FOXP1: variants seen among roughly 807,000 people sequenced by gnomAD.
FOXP1 encodes the protein forkhead box protein P1.
In FOXP1, 15 loss-of-function variants were observed where a neutral mutation model predicts 98.2. That is an observed-to-expected ratio of 0.15 (90% confidence interval 0.10 to 0.24). The LOEUF is 0.24. FOXP1 is among the 10% of genes least tolerant of loss of function. The probability of loss-of-function intolerance (pLI) is 1.00; values close to 1 mark genes in which losing one functional copy is unlikely to be tolerated. For missense variants in FOXP1, 633 were observed against 848.5 expected, an observed-to-expected ratio of 0.75 and a Z score of 3.15; for synonymous variants, 371 against 314.5, an observed-to-expected ratio of 1.18 and a Z score of -1.90.
At chr3:71,221,804 T>G (rs942181728) in intron 5 of FOXP1, among the ~76,000 whole-genome samples, 17 of 152,216 alleles carry the variant, frequency 1.1e-4, no homozygotes, top group African/African-American at 4.1e-4. Context: ...AACTCTGCGT[T>G]GCAGACTCAA....
intron 4 of FOXP1, among the ~76,000 whole-genome samples, chr3:71,320,540 A>G (rs2075328456): frequency 6.6e-6 from 1 of 151,368 alleles, no homozygotes; most frequent in African/African-American, 2.4e-5. Context: ...GTCCTCCCTA[A>G]CCTCCCTTTA....
chr3:71,110,616 G>C (rs762563954), intron 7 of FOXP1, among the ~76,000 whole-genome samples: 4 of 152,204 alleles, frequency 2.6e-5, no homozygotes, highest in Non-Finnish European at 5.9e-5. Flanking sequence ...AGATGCCCCA[G>C]TACTTTAATA....
chr3:71,055,209 A>G (rs1298655134), intron 7 of FOXP1, among the ~76,000 whole-genome samples: 2 of 152,186 alleles, frequency 1.3e-5, no homozygotes, highest in East Asian at 1.9e-4. Flanking sequence ...AGCATCACTA[A>G]TTTTGATGAA....
At chr3:71,160,077 A>T (rs537883966) in intron 6 of FOXP1, among the ~76,000 whole-genome samples, 1 of 152,362 alleles carries the variant, frequency 6.6e-6, no homozygotes, top group East Asian at 1.9e-4. Context: ...GTAATTTCGC[A>T]GTATCTCCAC....
chr3:71,423,204 C>T (rs920356727), intron 3 of FOXP1, among the ~76,000 whole-genome samples: 13 of 152,198 alleles, frequency 8.5e-5, no homozygotes, highest in Admixed American at 7.9e-4. Flanking sequence ...CCTACAAGTT[C>T]TTCCTTCCCT....
chr3:70,979,347 TTC>T, intron 14 of FOXP1, among the ~76,000 whole-genome samples: 1 of 145,504 alleles, frequency 6.9e-6, no homozygotes. Flanking sequence ...TGAGCACTGT[TTC>T]AATTTATCTT....
At chr3:71,513,768 TTC>T (rs1289280683) in intron 2 of FOXP1, among the ~76,000 whole-genome samples, 1 of 152,130 alleles carries the variant, frequency 6.6e-6, no homozygotes, top group Non-Finnish European at 1.5e-5. Flanking sequence ...AAGAATGTAA[TTC>T]TCTGCAAGCC....
chr3:71,545,949 A>G (rs2045322696), intron 2 of FOXP1, among the ~76,000 whole-genome samples: 2 of 152,210 alleles, frequency 1.3e-5, no homozygotes, highest in Non-Finnish European at 1.5e-5. Context: ...AATGTTGCAT[A>G]TATCCTGGCA....
chr3:71,384,151 T>C (rs1192368390), intron 3 of FOXP1, among the ~76,000 whole-genome samples: 1 of 151,932 alleles, frequency 6.6e-6, no homozygotes, highest in African/African-American at 2.4e-5. Context: ...CCCCCAGAGG[T>C]GGAGGTTGCA....
chr3:71,100,328 C>T (rs1400718183), intron 7 of FOXP1, among the ~76,000 whole-genome samples: 1 of 152,208 alleles, frequency 6.6e-6, no homozygotes, highest in African/African-American at 2.4e-5. Context: ...GAATAAATAA[C>T]AATCCCTTTA....
At chr3:71,548,399 C>A (rs2045529268) in intron 2 of FOXP1, among the ~76,000 whole-genome samples, 1 of 152,066 alleles carries the variant, frequency 6.6e-6, no homozygotes, top group South Asian at 2.1e-4. Flanking sequence ...CCTTCCTCAA[C>A]TGTTTTTGTT....
chr3:71,015,424 T>C, intron 12 of FOXP1, 125 bp downstream of exon 12: 1 of 669,032 alleles, frequency 1.5e-6, no homozygotes, highest in Non-Finnish European at 2.8e-6. Context: ...GACCTTGTGA[T>C]TTAGAGTCCA....
At chr3:71,148,396 A>G (rs1054838271) in intron 6 of FOXP1, among the ~76,000 whole-genome samples, 1 of 150,926 alleles carries the variant, frequency 6.6e-6, no homozygotes, top group African/African-American at 2.4e-5. Flanking sequence ...TAAAAAAAAA[A>G]CTAATAATAA....
chr3:71,316,216 T>G (rs2075065600), intron 4 of FOXP1, among the ~76,000 whole-genome samples: 1 of 152,188 alleles, frequency 6.6e-6, no homozygotes, highest in Non-Finnish European at 1.5e-5. Flanking sequence ...GCTAAAATGC[T>G]GAAATACTTG....
chr3:71,396,964 G>A lies in FOXP1; in HGVS notation c.-167-37720C>T, dbSNP rs1280286825. Among the ~76,000 whole-genome samples, 58 of 15,580 alleles carry A rather than the reference G, an allele frequency of 3.7e-3. 5 individuals carry two copies. The highest frequency in any genetic ancestry group is 0.011 in the African/African-American group (39 of 3,518). The allele number at this position is 15,580 out of a possible 152,430, so 10.2% of individuals were successfully genotyped here. A position where few individuals can be genotyped will look rare whatever the true frequency, so the allele number is the denominator to read the frequency against. On this transcript the variant is annotated intron_variant, in intron 3 of 20. Coordinates refer to ENST00000649528, the MANE Select transcript of FOXP1 (RefSeq NM_001349338.3). ...TATATATATGTGTATATATATATAT[G>A]TGTGTATATATATATATGTGTATAT...
At chr3:71,031,609 G>A (rs1355814225) in intron 11 of FOXP1, among the ~76,000 whole-genome samples, 3 of 152,136 alleles carry the variant, frequency 2.0e-5, no homozygotes, top group African/African-American at 7.2e-5. Context: ...GATTTCTGAG[G>A]CGGATAATGA....
At chr3:70,992,859 T>G (rs1417046515) in intron 13 of FOXP1, among the ~76,000 whole-genome samples, 1 of 152,150 alleles carries the variant, frequency 6.6e-6, no homozygotes, top group African/African-American at 2.4e-5. Flanking sequence ...CTCTTCTTTT[T>G]CTTGGCTCCA....
chr3:71,293,449 G>T (rs1346039156), intron 5 of FOXP1, among the ~76,000 whole-genome samples: 1 of 151,312 alleles, frequency 6.6e-6, no homozygotes. Flanking sequence ...CTGTAATCCT[G>T]CCTGGGCAAC....
At chr3:71,298,292 C>T (rs572976992) in intron 5 of FOXP1, among the ~76,000 whole-genome samples, 25 of 152,076 alleles carry the variant, frequency 1.6e-4, no homozygotes, top group African/African-American at 5.3e-4. Flanking sequence ...TGGTGAAACC[C>T]CGCCTCTCCT....
Sources: allele counts gnomAD v4.1 joint callset (sites outside exome capture counted in the v4.1 genomes callset), GRCh38; gene constraint gnomAD v4.1.1; transcripts MANE v1.5; gene names NCBI Gene and HGNC (gene_info 2026-07-23, HGNC 2026-07-21).